TAF3: variants seen among roughly 807,000 people sequenced by gnomAD.
The protein encoded by TAF3 is TATA-box binding protein associated factor 3, also known as transcription initiation factor TFIID subunit 3.
A neutral mutation model predicts 80.6 loss-of-function variants in TAF3; 7 were observed. That is an observed-to-expected ratio of 0.09 (90% CI 0.05 to 0.16). The LOEUF (loss-of-function observed/expected upper bound fraction) is 0.16. TAF3 is among the 10% of genes least tolerant of loss of function. TAF3 has a pLI of 1.00. For synonymous variants in TAF3, 444 were observed against 446.1 expected, an observed-to-expected ratio of 1.00 and a Z score of 0.06; for missense variants, 921 against 1,140.2, an observed-to-expected ratio of 0.81 and a Z score of 2.77.
In TAF3 at chr10:7,965,656, A is replaced by G. The variant is rs767592113; in HGVS notation, c.2146A>G (p.Lys716Glu). 6.3e-7 allele frequency: 1 copy of G among 1,595,264 alleles called. No individual in the cohort carries two copies. The highest frequency in any genetic ancestry group is 8.5e-7 in the Non-Finnish European group (1 of 1,174,490). Reference sequence around the variant, plus strand: ...GAAGAAGAAAAAGAAGGAAAAAGAGAAGGAGAAGAAGGAGAAGGAAAGAGA... The same window carrying G: ...GAAGAAGAAAAAGAAGGAAAAAGAGGAGGAGAAGAAGGAGAAGGAAAGAGA... ...KEKKKKKEKEKEKKEKEREKE... is the reference protein window; with the variant it reads ...KEKKKKKEKEEEKKEKEREKE... The change falls in exon 3 of 7, where the codon AAG (lysine) becomes GAG (glutamate). Residue 716 changes from lysine to glutamate, a missense_variant. This residue lies in a region of TAF3 where 743 missense variants were observed against 821.0 expected (regional missense o/e 0.90). Coordinates refer to ENST00000344293, the MANE Select transcript of TAF3 (RefSeq NM_031923.4).
chr10:7,964,220 C>T lies in TAF3; in HGVS notation c.710C>T (p.Thr237Ile). ...MLSPVHVQDS[T>I]DLAPPSPEPP... ...TCTCCAGTCCATGTACAGGACAGTA[C>T]AGACTTGGCACCTCCCTCACCCGAG... The change falls in exon 3 of 7, where the codon ACA becomes ATA. Residue 237 changes from threonine to isoleucine, a missense_variant. Thr to Ile is a moderately conservative substitution (Grantham distance 89, BLOSUM62 -1). Around this residue, in one of 6 missense-constraint regions of TAF3, gnomAD observed 743 missense variants for 821.0 expected, o/e 0.90. Transcript: ENST00000344293. This position sits in a 1 kb window ranked among gnomAD's most constrained non-coding sequence, Gnocchi z 4.1. The T allele has an allele frequency of 6.2e-7, 1 of 1,614,220 alleles. No individual in the cohort carries two copies. The highest frequency in any genetic ancestry group is 8.5e-7 in the Non-Finnish European group (1 of 1,180,052).
intron 2 of TAF3, among the ~76,000 whole-genome samples, chr10:7,903,332 C>G (rs1164831707): frequency 6.6e-6 from 1 of 152,170 alleles, no homozygotes; most frequent in Non-Finnish European, 1.5e-5. Flanking sequence ...TGACAAGTGT[C>G]CATCTCAGCT....
chr10:7,826,436 T>C (rs1836741690), intron 2 of TAF3, among the ~76,000 whole-genome samples: 1 of 148,054 alleles, frequency 6.8e-6, no homozygotes, highest in South Asian at 2.2e-4. Context: ...AAAAACAATT[T>C]AGTGTTTTTT....
chr10:7,911,025 A>C (rs1157307991), intron 2 of TAF3, among the ~76,000 whole-genome samples: 2 of 152,258 alleles, frequency 1.3e-5, no homozygotes, highest in Non-Finnish European at 1.5e-5. Context: ...CATTCTTAGC[A>C]CTAAATGAAA....
At chr10:7,898,376 G>A (rs1213037147) in intron 2 of TAF3, among the ~76,000 whole-genome samples, 1 of 151,856 alleles carries the variant, frequency 6.6e-6, no homozygotes, top group East Asian at 1.9e-4. Flanking sequence ...GTGAAACCCC[G>A]TCTCTACAAA....
At chr10:7,923,927 A>G (rs1199228043) in intron 2 of TAF3, among the ~76,000 whole-genome samples, 1 of 152,206 alleles carries the variant, frequency 6.6e-6, no homozygotes, top group Non-Finnish European at 1.5e-5. Context: ...TTCGATTTGG[A>G]AATAAAGGAG....
chr10:7,979,337 C>CT (rs1250731145), intron 4 of TAF3, among the ~76,000 whole-genome samples: 2 of 142,324 alleles, frequency 1.4e-5, no homozygotes, highest in Non-Finnish European at 1.5e-5. Context: ...GAACAAGTCT[C>CT]TGTCTCAAAA....
rs371133957 is a variant in TAF3 at position 7,965,465 on chromosome 10, C to T, written c.1955C>T (p.Pro652Leu). The change falls in exon 3 of 7, where the codon CCC (proline) becomes CTC (leucine). Residue 652 changes from proline (P) to leucine (L), a missense_variant. Pro to Leu is a moderately conservative substitution (Grantham distance 98, BLOSUM62 -3). Transcript: ENST00000344293. ...GREDKMKAPA[P>L]PLVLPPKELA... Reference sequence around the variant, plus strand: ...GAAGATAAGATGAAAGCCCCAGCACCCCCACTGGTGTTGCCCCCAAAAGAG... The same window carrying T: ...GAAGATAAGATGAAAGCCCCAGCACTCCCACTGGTGTTGCCCCCAAAAGAG... The T allele has an allele frequency of 2.5e-6, 4 of 1,613,110 alleles. No homozygotes were observed. In the South Asian group the frequency reaches 4.4e-5, roughly 18 times the overall value.
intron 2 of TAF3, among the ~76,000 whole-genome samples, chr10:7,949,441 G>C (rs1392641944): frequency 6.6e-6 from 1 of 152,146 alleles, no homozygotes; most frequent in Non-Finnish European, 1.5e-5. Context: ...GAGCACTTAG[G>C]GCAACAGCCA....
At chr10:7,847,800 C>T (rs1836986373) in intron 2 of TAF3, among the ~76,000 whole-genome samples, 1 of 151,920 alleles carries the variant, frequency 6.6e-6, no homozygotes, top group Non-Finnish European at 1.5e-5. Flanking sequence ...AAGAGTTTCG[C>T]TCTGTCTTCC....
intron 5 of TAF3, 52 bp from the exon 6 acceptor site, chr10:8,013,679 G>GT (rs959558878): frequency 8.8e-5 from 132 of 1,493,780 alleles, no homozygotes; most frequent in Non-Finnish European, 1.0e-4. Flanking sequence ...GCCTCTTTTT[G>GT]TTTTTTTTCC....
intron 2 of TAF3, among the ~76,000 whole-genome samples, chr10:7,895,845 G>A (rs1254960688): frequency 6.6e-6 from 1 of 152,214 alleles, no homozygotes; most frequent in Non-Finnish European, 1.5e-5. Flanking sequence ...CTGGCGTTCA[G>A]TAGGCATTCA....
At chr10:8,008,957 T>G in intron 4 of TAF3, 121 bp from the exon 5 acceptor site, 1 of 1,382,144 alleles carries the variant, frequency 7.2e-7, no homozygotes, top group South Asian at 1.2e-5. Flanking sequence ...TTGAGCTGCC[T>G]CTAGACGTTG....
rs1406117921 is a variant in TAF3, at chr10:7,964,774, A to G, written c.1264A>G (p.Ser422Gly). ...GGAATCTGAAGGAGACATTTTTACT[A>G]GCCCTAAGAGAATTTCAGGCCCGGA... The part of the protein sequence containing the change: ...GSESEGDIFT[S>G]PKRISGPECT... The change falls in exon 3 of 7, where the codon AGC becomes GGC. Residue 422 changes from serine to glycine, a missense_variant. By Grantham distance (56) the Ser-to-Gly change is moderately conservative. This residue lies in a region of TAF3 where 743 missense variants were observed against 821.0 expected (regional missense o/e 0.90). Transcript: ENST00000344293. The surrounding 1 kb of genome is among the most constrained non-coding windows in gnomAD (Gnocchi z 4.1). 1 of 1,614,048 alleles carries G rather than the reference A, an allele frequency of 6.2e-7. No homozygotes were observed. Among genetic ancestry groups the G allele is most frequent in the Non-Finnish European group, 8.5e-7 (1 of 1,180,042 alleles).
intron 2 of TAF3, among the ~76,000 whole-genome samples, chr10:7,839,468 A>G (rs1376020744): frequency 6.6e-6 from 1 of 152,158 alleles, no homozygotes; most frequent in Admixed American, 6.5e-5. Context: ...AGTTTTTCAG[A>G]ATAATGGAGG....
chr10:7,856,332 C>T (rs576604859), intron 2 of TAF3, among the ~76,000 whole-genome samples: 9 of 151,854 alleles, frequency 5.9e-5, no homozygotes, highest in African/African-American at 1.9e-4. Flanking sequence ...AAAAATTAGC[C>T]AGGAGTGGTG....
At chr10:7,948,856 G>A (rs974985707) in intron 2 of TAF3, among the ~76,000 whole-genome samples, 1 of 152,110 alleles carries the variant, frequency 6.6e-6, no homozygotes, top group Non-Finnish European at 1.5e-5. Flanking sequence ...CAGTCATTGT[G>A]TCATTATACT....
chr10:7,943,455 G>A (rs71481749), intron 2 of TAF3, among the ~76,000 whole-genome samples: 9,443 of 152,168 alleles, frequency 0.062, 377 homozygotes, highest in South Asian at 0.14. Context: ...CTGAGTGGGA[G>A]CCCCTCTTTT....
intron 4 of TAF3, among the ~76,000 whole-genome samples, chr10:8,008,720 C>A (rs930399220): frequency 6.6e-6 from 1 of 152,168 alleles, no homozygotes; most frequent in Non-Finnish European, 1.5e-5. Flanking sequence ...GTCAGGCCCC[C>A]CCGAGGACTC....
Sources: allele counts gnomAD v4.1 joint callset (sites outside exome capture counted in the v4.1 genomes callset), GRCh38; gene constraint gnomAD v4.1.1; regional missense constraint gnomAD v4.1.1; non-coding constraint Gnocchi (gnomAD v3.1); transcripts MANE v1.5; gene names NCBI Gene and HGNC (gene_info 2026-07-23, HGNC 2026-07-21).